The following HDGFL3 variants were observed in gnomAD, a reference collection of about 807,000 sequenced individuals.
The protein encoded by HDGFL3 is HDGF like 3, also known as hepatoma-derived growth factor-related protein 3.
In HDGFL3, 6 loss-of-function variants were observed where a neutral mutation model predicts 27.6. That is an observed-to-expected ratio of 0.22 (90% CI 0.12 to 0.43). HDGFL3 has a LOEUF of 0.43. Among genes scored for constraint, HDGFL3 ranks in the 20% least tolerant of loss-of-function variants. HDGFL3 has a pLI of 1.00. For missense variants in HDGFL3, 207 were observed against 250.1 expected (o/e 0.83, Z 1.16); for synonymous variants, 88 against 88.9 (o/e 0.99, Z 0.05).
intron 4 of HDGFL3, among the ~76,000 whole-genome samples, chr15:83,152,847 A>G (rs2036980184): frequency 6.6e-6 from 1 of 152,198 alleles, no homozygotes; most frequent in South Asian, 2.1e-4. Flanking sequence ...CAGGGATTTA[A>G]TAATACAAAT....
chr15:83,142,198 C>G (rs1489698244), intron 5 of HDGFL3, among the ~76,000 whole-genome samples: 1 of 152,176 alleles, frequency 6.6e-6, no homozygotes, highest in Non-Finnish European at 1.5e-5. Context: ...ATAAATCATT[C>G]TACCATAAAG....
intron 1 of HDGFL3, among the ~76,000 whole-genome samples, chr15:83,172,822 CAAA>C (rs767796165): frequency 7.5e-5 from 5 of 66,690 alleles, no homozygotes; most frequent in Non-Finnish European, 6.3e-5. Flanking sequence ...GACTCCAGCT[CAAA>C]AAAAAAAAAA....
At chr15:83,182,288 A>G (rs1024437782) in intron 1 of HDGFL3, among the ~76,000 whole-genome samples, 2 of 152,180 alleles carry the variant, frequency 1.3e-5, no homozygotes, top group African/African-American at 2.4e-5. Context: ...TCTTCTGTGG[A>G]TATCTTTTAA....
chr15:83,150,130 G>T (rs1297319213), intron 5 of HDGFL3, among the ~76,000 whole-genome samples: 2 of 152,138 alleles, frequency 1.3e-5, no homozygotes, highest in Non-Finnish European at 2.9e-5. Context: ...TATTAAGGGG[G>T]TAGGACAACT....
At chr15:83,112,867 A>C in exon 4 of HDGFL3, 1 of 1,614,110 alleles carries the variant, frequency 6.2e-7, no homozygotes, top group Non-Finnish European at 8.5e-7. Context: ...TGTCCTCGTC[A>C]AAAGAAAACC....
intron 2 of HDGFL3, among the ~76,000 whole-genome samples, chr15:83,159,595 G>T (rs982219820): frequency 6.6e-6 from 1 of 152,164 alleles, no homozygotes; most frequent in Non-Finnish European, 1.5e-5. Flanking sequence ...AAGAATAGGA[G>T]ATGGATTTTA....
intron 1 of HDGFL3, among the ~76,000 whole-genome samples, chr15:83,166,366 A>C (rs1440048880): frequency 6.6e-6 from 1 of 152,206 alleles, no homozygotes; most frequent in East Asian, 1.9e-4. Context: ...AAATTTCATG[A>C]GCAGAAATAA....
intron 2 of HDGFL3, among the ~76,000 whole-genome samples, chr15:83,161,490 A>T (rs975964606): frequency 1.3e-5 from 2 of 152,234 alleles, no homozygotes; most frequent in African/African-American, 4.8e-5. Flanking sequence ...CAGAAGAGTC[A>T]GGGCTAATGG....
chr15:83,188,620 C>T (rs1392335773), intron 1 of HDGFL3, among the ~76,000 whole-genome samples: 9 of 152,138 alleles, frequency 5.9e-5, no homozygotes, highest in South Asian at 4.1e-4. Context: ...TATCCATTGA[C>T]GTATTTTCTT....
chr15:83,139,280 A>T lies in HDGFL3; in HGVS notation c.607-5T>A. The T allele has an allele frequency of 4.0e-6, 1 of 247,532 alleles. No individual in the cohort carries two copies. Among genetic ancestry groups the T allele is most frequent in the Non-Finnish European group, 6.9e-6 (1 of 145,884 alleles). The allele number at this position is 247,532 out of a possible 1,614,324, so 15.3% of individuals were successfully genotyped here. A position where few individuals can be genotyped will look rare whatever the true frequency, so the allele number is the denominator to read the frequency against. ...CATTCATTATGGTAGTTAGGTCTGT[A>T]AAAAAAAAAAAAAGAAAGAAAACAA... On this transcript the variant is annotated splice_region_variant and splice_polypyrimidine_tract_variant and intron_variant, in intron 5 of 5. Coordinates refer to ENST00000299633, the MANE Select transcript of HDGFL3 (RefSeq NM_016073.4).
chr15:83,197,682 C>A (rs1050025566), intron 1 of HDGFL3, among the ~76,000 whole-genome samples: 4 of 152,136 alleles, frequency 2.6e-5, no homozygotes, highest in Non-Finnish European at 5.9e-5. Context: ...AACTCCACAG[C>A]CTCAATATCA....
rs979385983 is a variant in HDGFL3, at chr15:83,138,760, A to G, written c.*510T>C. The stretch of plus-strand genomic sequence containing the variant: ...TTTACAATATGGTTAAACTTTACAC[A>G]TGGCCTCAAAACTGAAGGACAATTT... On this transcript the variant is annotated 3_prime_UTR_variant, in exon 6 of 6. Coordinates refer to ENST00000299633, the MANE Select transcript of HDGFL3 (RefSeq NM_016073.4). 1.3e-5 allele frequency: 2 copies of G among 152,268 alleles called. No homozygotes were observed. The highest frequency in any genetic ancestry group is 2.9e-5 in the Non-Finnish European group (2 of 68,030). 9.4% of individuals were successfully genotyped at this position (152,268 alleles called of 1,614,324 possible).
intron 1 of HDGFL3, among the ~76,000 whole-genome samples, chr15:83,176,939 C>CCTTCT (rs2037319323): frequency 6.7e-6 from 1 of 148,808 alleles, no homozygotes; most frequent in Non-Finnish European, 1.5e-5. Flanking sequence ...CCTAAAAACC[C>CCTTCT]CAGAGTCTTG....
intron 1 of HDGFL3, among the ~76,000 whole-genome samples, chr15:83,201,089 A>T (rs1262072532): frequency 2.0e-5 from 3 of 152,030 alleles, no homozygotes; most frequent in African/African-American, 7.2e-5. Flanking sequence ...GTTTAAATAC[A>T]CCATATGAGC....
intron 1 of HDGFL3, among the ~76,000 whole-genome samples, chr15:83,193,455 T>C (rs565626380): frequency 3.3e-5 from 5 of 152,202 alleles, no homozygotes; most frequent in African/African-American, 7.2e-5. Context: ...AGTAAAGAAA[T>C]TGGAACCCTT....
chr15:83,186,303 A>C (rs62010222), intron 1 of HDGFL3, among the ~76,000 whole-genome samples: 61 of 152,242 alleles, frequency 4.0e-4, no homozygotes, highest in Non-Finnish European at 8.1e-4. Flanking sequence ...TTCAAGAACA[A>C]AGCAGGAGAT....
intron 1 of HDGFL3, among the ~76,000 whole-genome samples, chr15:83,178,431 T>A (rs796211107): frequency 3.3e-5 from 5 of 152,316 alleles, no homozygotes; most frequent in African/African-American, 1.2e-4. Context: ...GTCATACTCT[T>A]AAGTTTGTTT....
At chr15:83,195,591 T>C (rs1019638969) in intron 1 of HDGFL3, among the ~76,000 whole-genome samples, 8 of 152,078 alleles carry the variant, frequency 5.3e-5, no homozygotes, top group Non-Finnish European at 1.2e-4. Flanking sequence ...CCAGAAGAGA[T>C]ACTCAATAAA....
chr15:83,172,267 G>C (rs947752246), intron 1 of HDGFL3, among the ~76,000 whole-genome samples: 1 of 152,142 alleles, frequency 6.6e-6, no homozygotes, highest in Non-Finnish European at 1.5e-5. Context: ...GCCATGTAAC[G>C]ATACACCAAG....
Sources: allele counts gnomAD v4.1 joint callset (sites outside exome capture counted in the v4.1 genomes callset), GRCh38; gene constraint gnomAD v4.1.1; transcripts MANE v1.5; gene names NCBI Gene and HGNC (gene_info 2026-07-23, HGNC 2026-07-21).